Variants in AFF3 observed in about 807,000 individuals in gnomAD.
The protein encoded by AFF3 is ALF transcription elongation factor 3.
Under a neutral mutation model 129.7 loss-of-function variants are expected in AFF3, and 32 were observed. That is an observed-to-expected ratio of 0.25 (90% CI 0.19 to 0.33). AFF3 has a LOEUF of 0.33. Among genes scored for constraint, AFF3 ranks in the 10% least tolerant of loss-of-function variants. The probability of loss-of-function intolerance (pLI) is 1.00; values close to 1 mark genes in which losing one functional copy is unlikely to be tolerated. For synonymous variants in AFF3, 644 were observed against 635.4 expected (o/e 1.01, Z -0.20); for missense variants, 1,373 against 1,592.0 (o/e 0.86, Z 2.34).
At chr2:100,039,089 T>C (rs766430561) in intron 4 of AFF3, among the ~76,000 whole-genome samples, 1 of 152,166 alleles carries the variant, frequency 6.6e-6, no homozygotes, top group Admixed American at 6.5e-5. Context: ...ACTTTTATAA[T>C]GAGAAAAAGG....
At chr2:99,993,907 G>A (rs916356822) in intron 7 of AFF3, among the ~76,000 whole-genome samples, 2 of 138,186 alleles carry the variant, frequency 1.4e-5, no homozygotes, top group Non-Finnish European at 3.0e-5. Context: ...CTGGGTTCAA[G>A]CAATTCTCCT....
At position 99,578,250 on chromosome 2, in the gene AFF3, G is replaced by T. The variant is rs1488980159; in HGVS notation, c.2918+77C>A. On this transcript the variant is annotated intron_variant, in intron 18 of 24. Transcript: ENST00000672756. Reference sequence around the variant, plus strand: ...CTGTAGCTGAAGGTGGCCACACCAAGGTGCCCATGCCCCTTCCACCTGAGC... The same window carrying T: ...CTGTAGCTGAAGGTGGCCACACCAATGTGCCCATGCCCCTTCCACCTGAGC... The T allele has an allele frequency of 3.4e-6, 5 of 1,476,286 alleles. No individual in the cohort carries two copies. The African/African-American group carries it at 7.3e-5, about 21-fold the overall frequency. The allele number at this position is 1,476,286 out of a possible 1,614,324, so 91.4% of individuals were successfully genotyped here.
At chr2:99,624,472 ATAAT>A (rs993760853) in intron 13 of AFF3, among the ~76,000 whole-genome samples, 2 of 152,194 alleles carry the variant, frequency 1.3e-5, no homozygotes, top group Non-Finnish European at 2.9e-5. Context: ...CAGTCAATGA[ATAAT>A]TAATAGGATG....
intron 11 of AFF3, among the ~76,000 whole-genome samples, chr2:99,689,513 C>T (rs1415222837): frequency 2.0e-5 from 3 of 152,022 alleles, no homozygotes; most frequent in Non-Finnish European, 4.4e-5. Context: ...TCTATTAGTG[C>T]ACTTGCCACT....
chr2:99,711,423 T>C (rs1243485564), intron 11 of AFF3, among the ~76,000 whole-genome samples: 2 of 152,190 alleles, frequency 1.3e-5, no homozygotes, highest in African/African-American at 4.8e-5. Context: ...GTAGACTGCC[T>C]GGTACAAAAT....
intron 8 of AFF3, among the ~76,000 whole-genome samples, chr2:99,764,296 T>G (rs1558827805): frequency 6.6e-6 from 1 of 152,186 alleles, no homozygotes; most frequent in Non-Finnish European, 1.5e-5. Context: ...TCAGCTTCCC[T>G]GGAAACTGAA....
At position 100,104,787 on chromosome 2, in the gene AFF3, CCCGCTGCTGCAGCCGCCGCCG is replaced by C. The variant is rs1429174654; in HGVS notation, c.-64-290_-64-270del. On this transcript the variant is annotated intron_variant, in intron 3 of 24. Transcript: ENST00000672756. ...CCTCCCCTCCCTCGCGGCGGCCCGG[CCCGCTGCTGCAGCCGCCGCCG>C]CCGCCGCCGCCGCCGCGGTGCTCTG... 2.2e-4 allele frequency: 177 copies of C among 819,226 alleles called. 1 individual carries two copies. The highest frequency in any genetic ancestry group is 2.4e-4 in the Non-Finnish European group (173 of 707,616). The allele number at this position is 819,226 out of a possible 1,614,324, so 50.7% of individuals were successfully genotyped here. A position where few individuals can be genotyped will look rare whatever the true frequency, so the allele number is the denominator to read the frequency against.
intron 8 of AFF3, among the ~76,000 whole-genome samples, chr2:99,807,562 T>A (rs987086755): frequency 6.6e-6 from 1 of 152,182 alleles, no homozygotes; most frequent in Non-Finnish European, 1.5e-5. Context: ...ACCAATCTAG[T>A]CACCTGATGC....
At chr2:99,888,844 A>C (rs1410868366) in intron 7 of AFF3, among the ~76,000 whole-genome samples, 1 of 152,190 alleles carries the variant, frequency 6.6e-6, no homozygotes, top group African/African-American at 2.4e-5. Flanking sequence ...GCAACAAGAC[A>C]CTTAATCAAT....
intron 7 of AFF3, among the ~76,000 whole-genome samples, chr2:99,926,664 T>A (rs542853926): frequency 4.1e-4 from 61 of 150,340 alleles, no homozygotes; most frequent in African/African-American, 1.4e-3. Context: ...GCAAAGTGCT[T>A]CAGAAGCATA....
At chr2:100,106,310 C>CT (rs1395574025) in intron 2 of AFF3, 1 of 1,164,920 alleles carries the variant, frequency 8.6e-7, no homozygotes, top group African/African-American at 1.6e-5. Flanking sequence ...AAAAACCCCT[C>CT]TCATTAGCTG....
intron 12 of AFF3, among the ~76,000 whole-genome samples, chr2:99,652,163 A>G (rs1429857649): frequency 1.3e-5 from 2 of 152,198 alleles, no homozygotes; most frequent in African/African-American, 4.8e-5. Flanking sequence ...AAATCTGAGC[A>G]TAATTTTAAA....
At chr2:99,711,910 G>A (rs1677929649) in intron 11 of AFF3, among the ~76,000 whole-genome samples, 1 of 151,986 alleles carries the variant, frequency 6.6e-6, no homozygotes, top group African/African-American at 2.4e-5. Context: ...CCACAGCCCG[G>A]GCGACTCCTC....
chr2:99,611,173 T>C (rs116802081), intron 13 of AFF3, among the ~76,000 whole-genome samples: 2,609 of 152,310 alleles, frequency 0.017, 79 homozygotes, highest in African/African-American at 0.059. Context: ...TTCTGTATTA[T>C]TGTGGTGAGA....
chr2:100,067,744 C>G (rs567314936), intron 4 of AFF3, among the ~76,000 whole-genome samples: 1 of 152,032 alleles, frequency 6.6e-6, no homozygotes, highest in African/African-American at 2.4e-5. Flanking sequence ...TACTTATTAT[C>G]CCTATTTCAC....
chr2:100,141,306 C>T (rs1025460645), intron 1 of AFF3, among the ~76,000 whole-genome samples: 2 of 152,166 alleles, frequency 1.3e-5, no homozygotes, highest in South Asian at 2.1e-4. Flanking sequence ...AGTGCAGTTA[C>T]GCCTAGAACA....
At chr2:99,989,904 T>C (rs926704536) in intron 7 of AFF3, among the ~76,000 whole-genome samples, 5 of 152,226 alleles carry the variant, frequency 3.3e-5, no homozygotes, top group African/African-American at 1.2e-4. Flanking sequence ...TCCCACGTTA[T>C]CTTTTTATTT....
intron 7 of AFF3, among the ~76,000 whole-genome samples, chr2:99,936,798 C>T (rs1674563647): frequency 6.6e-6 from 1 of 152,142 alleles, no homozygotes; most frequent in Non-Finnish European, 1.5e-5. Flanking sequence ...AGGGTTCTTC[C>T]TTCAGTAAGT....
rs752799321 is a variant in AFF3 at position 99,565,477 on chromosome 2, C to T, written c.3119+10G>A. ...CCTCCCCTCATCCAGCAAGAAAACACGGTGCTTACCTGATGAGCTCTACTG... is the reference window on the plus strand; with the variant it reads ...CCTCCCCTCATCCAGCAAGAAAACATGGTGCTTACCTGATGAGCTCTACTG... On this transcript the variant is annotated intron_variant, in intron 20 of 24. Coordinates refer to ENST00000672756, the MANE Select transcript of AFF3 (RefSeq NM_001386135.1). The T allele has an allele frequency of 2.0e-5, 32 of 1,609,260 alleles. No individual in the cohort carries two copies. The highest frequency in any genetic ancestry group is 8.3e-5 in the Admixed American group (5 of 59,890).
Sources: allele counts gnomAD v4.1 joint callset (sites outside exome capture counted in the v4.1 genomes callset), GRCh38; gene constraint gnomAD v4.1.1; transcripts MANE v1.5; gene names NCBI Gene and HGNC (gene_info 2026-07-23, HGNC 2026-07-21).